Variants in HTT observed in about 807,000 individuals in gnomAD.
HTT encodes huntington disease protein.
HTT carries 104 observed loss-of-function variants against 362.3 expected under a neutral mutation model. That is an observed-to-expected ratio of 0.29 (90% CI 0.24 to 0.34). The LOEUF is 0.34. HTT is among the 10% of genes least tolerant of loss of function. HTT has a pLI of 1.00. For synonymous variants in HTT, 1,577 were observed against 1,548.7 expected, an observed-to-expected ratio of 1.02 and a Z score of -0.43; for missense variants, 3,301 against 3,928.6, an observed-to-expected ratio of 0.84 and a Z score of 4.27.
intron 29 of HTT, among the ~76,000 whole-genome samples, chr4:3,166,289 T>G (rs1369706604): frequency 6.6e-6 from 1 of 152,192 alleles, no homozygotes; most frequent in Non-Finnish European, 1.5e-5. Flanking sequence ...TCTGGAAACA[T>G]CGTCCCAGAG....
intron 47 of HTT, among the ~76,000 whole-genome samples, chr4:3,210,810 G>T (rs1720118828): frequency 6.6e-6 from 1 of 152,080 alleles, no homozygotes; most frequent in South Asian, 2.1e-4. Flanking sequence ...ACCTTGTGGG[G>T]AGGGCAACAC....
At position 3,088,083 on chromosome 4, in the gene HTT, C is replaced by T. The variant is rs185783854; in HGVS notation, c.347+1061C>T. Among the ~76,000 whole-genome samples, 287 of 152,248 alleles carry T rather than the reference C, an allele frequency of 1.9e-3. 2 individuals are homozygous for T. The Middle Eastern group carries it at 0.027, about 14-fold the overall frequency. On this transcript the variant is annotated intron_variant, in intron 2 of 66. Coordinates refer to ENST00000355072, the MANE Select transcript of HTT (RefSeq NM_001388492.1). Reference sequence around the variant, plus strand: ...AACTCCCAACCTTAGGTGATCTGCCCGCCTCAGCCTCCCAAAGTGCTGGGA... The same window carrying T: ...AACTCCCAACCTTAGGTGATCTGCCTGCCTCAGCCTCCCAAAGTGCTGGGA...
chr4:3,140,790 C>T, intron 22 of HTT, 134 bp downstream of exon 22: 1 of 755,018 alleles, frequency 1.3e-6, no homozygotes, highest in South Asian at 1.9e-5. Context: ...GTAGGTCAGT[C>T]CTTTGATAGG....
At chr4:3,086,858 C>T (rs1019562605) in intron 1 of HTT, 81 bp from the exon 2 acceptor site, 18 of 739,388 alleles carry the variant, frequency 2.4e-5, no homozygotes, top group Middle Eastern at 3.5e-4. Flanking sequence ...GAAACACTCA[C>T]TGAATGAATG....
At chr4:3,095,237 A>G (rs1381284763) in intron 2 of HTT, among the ~76,000 whole-genome samples, 1 of 152,352 alleles carries the variant, frequency 6.6e-6, no homozygotes, top group Non-Finnish European at 1.5e-5. Flanking sequence ...CCTGGGCAAC[A>G]CTGAGCACTG....
chr4:3,174,631 A>C, intron 31 of HTT, 90 bp from the exon 32 acceptor site: 1 of 980,634 alleles, frequency 1.0e-6, no homozygotes. Flanking sequence ...GTGAATGTGA[A>C]ATTGGTTTGA....
At chr4:3,126,549 T>G (rs1190076820) in intron 11 of HTT, among the ~76,000 whole-genome samples, 1 of 151,844 alleles carries the variant, frequency 6.6e-6, no homozygotes, top group African/African-American at 2.4e-5. Flanking sequence ...TAGTAATTAT[T>G]TATTTACAAA....
At chr4:3,207,103 G>A (rs1218303799) in intron 44 of HTT, 120 bp downstream of exon 44, 1 of 1,136,130 alleles carries the variant, frequency 8.8e-7, no homozygotes, top group Non-Finnish European at 1.3e-6. Context: ...ATAGAAACAT[G>A]GAAACATCTG....
chr4:3,227,245 G>C (rs1402768371), intron 57 of HTT, among the ~76,000 whole-genome samples: 3 of 148,300 alleles, frequency 2.0e-5, no homozygotes, highest in Non-Finnish European at 3.0e-5. Flanking sequence ...GAAGTACAGT[G>C]CCACCCCTGC....
intron 60 of HTT, among the ~76,000 whole-genome samples, chr4:3,230,400 C>G (rs1721194966): frequency 6.6e-6 from 1 of 152,218 alleles, no homozygotes; most frequent in Non-Finnish European, 1.5e-5. Flanking sequence ...ATGCTCTGCC[C>G]TGAGGCCTGA....
At chr4:3,139,716 T>C (rs1276111616) in intron 21 of HTT, among the ~76,000 whole-genome samples, 1 of 152,226 alleles carries the variant, frequency 6.6e-6, no homozygotes, top group South Asian at 2.1e-4. Context: ...TTAGATTTGT[T>C]AGGAATCGCA....
chr4:3,215,324 C>G (rs945607145), intron 51 of HTT, 113 bp downstream of exon 51: 2 of 703,062 alleles, frequency 2.8e-6, no homozygotes, highest in Non-Finnish European at 4.9e-6. Flanking sequence ...ACCGTAGCTC[C>G]GCTGTGTCCT....
Position 3,236,850 on chromosome 4 carries a change from A to G in HTT, c.8891+596A>G, listed in dbSNP as rs912592193. Among the ~76,000 whole-genome samples, 2 of 150,398 alleles carry G rather than the reference A, an allele frequency of 1.3e-5. 1 individual carries two copies. The highest frequency in any genetic ancestry group is 4.2e-4 in the South Asian group (2 of 4,774). On this transcript the variant is annotated intron_variant, in intron 64 of 66. Coordinates refer to ENST00000355072, the MANE Select transcript of HTT (RefSeq NM_001388492.1). The stretch of plus-strand genomic sequence containing the variant: ...TAGGAGCTTGGTAGGGCTTTTTCTC[A>G]AGGACAAGGGCCCCTGATTTGCTCT...
Position 3,206,135 on chromosome 4 carries a change from G to T in HTT, c.5719-361G>T, listed in dbSNP as rs1256776627. 1.3e-5 allele frequency among the ~76,000 whole-genome samples: 2 copies of T among 152,244 alleles called. No homozygotes were observed. The highest frequency in any genetic ancestry group is 4.8e-5 in the African/African-American group (2 of 41,476). The stretch of plus-strand genomic sequence containing the variant: ...CCGGGAGAGGGCAGGCAGTGCTGTG[G>T]ATGGGGTCATCCCAGCGCAACGCTG... On this transcript the variant is annotated intron_variant, in intron 42 of 66. Transcript: ENST00000355072. This position sits in a 1 kb window ranked among gnomAD's most constrained non-coding sequence, Gnocchi z 4.6.
chr4:3,075,195 G>A (rs899534462), intron 1 of HTT, 107 bp downstream of exon 1: 29 of 1,071,490 alleles, frequency 2.7e-5, no homozygotes, highest in Non-Finnish European at 3.4e-5. Context: ...CCCCGGCCCC[G>A]CAGAGACAGA....
intron 39 of HTT, chr4:3,188,177 T>C (rs941745311): frequency 4.4e-5 from 12 of 274,098 alleles, no homozygotes; most frequent in African/African-American, 2.2e-4. Context: ...GGGCAGGCAG[T>C]AGGGGCACGC....
chr4:3,211,593 A>G (rs1406255692), intron 47 of HTT, among the ~76,000 whole-genome samples: 1 of 152,178 alleles, frequency 6.6e-6, no homozygotes, highest in African/African-American at 2.4e-5. Flanking sequence ...GAGGTCTTGG[A>G]TGACACTTTA....
intron 37 of HTT, among the ~76,000 whole-genome samples, chr4:3,184,178 G>T (rs1425190851): frequency 2.6e-5 from 4 of 152,012 alleles, no homozygotes; most frequent in Non-Finnish European, 5.9e-5. Context: ...ACATTTGAGT[G>T]AATTTGCAGA....
intron 40 of HTT, among the ~76,000 whole-genome samples, chr4:3,198,274 A>G (rs185837038): frequency 0.015 from 1,855 of 125,274 alleles, 10 homozygotes; most frequent in Non-Finnish European, 0.02. Flanking sequence ...TGCCCAGGCT[A>G]GAGTGCAGTG....
Sources: gnomAD v4.1 joint callset for allele counts (sites outside exome capture counted in the v4.1 genomes callset) on GRCh38, gnomAD v4.1.1 for gene constraint, Gnocchi (gnomAD v3.1) non-coding constraint, MANE v1.5 for transcripts, NCBI Gene and HGNC (gene_info 2026-07-23, HGNC 2026-07-21) for gene names.